The following PDE4B variants were observed in gnomAD, a reference collection of about 807,000 sequenced individuals.
PDE4B encodes the protein phosphodiesterase 4B, also known as 3',5'-cyclic-AMP phosphodiesterase 4B.
In PDE4B, 20 loss-of-function variants were observed where a neutral mutation model predicts 82.2. That is an observed-to-expected ratio of 0.24 (90% CI 0.17 to 0.35). PDE4B has a LOEUF of 0.35. Ranked by LOEUF, PDE4B falls within the 10% of genes least tolerant of loss-of-function variation. PDE4B has a pLI of 1.00. For synonymous variants in PDE4B, 320 were observed against 318.9 expected (o/e 1.00, Z -0.04); for missense variants, 655 against 907.2 (o/e 0.72, Z 3.57).
intron 3 of PDE4B, among the ~76,000 whole-genome samples, chr1:66,081,822 C>CTGTG (rs760161239): frequency 7.8e-6 from 1 of 128,168 alleles, no homozygotes; most frequent in Non-Finnish European, 1.6e-5. Context: ...CTCTCTCTCT[C>CTGTG]TCTCTCTCTC....
chr1:66,227,322 C>G (rs1377666486), intron 3 of PDE4B, among the ~76,000 whole-genome samples: 1 of 152,130 alleles, frequency 6.6e-6, no homozygotes, highest in Non-Finnish European at 1.5e-5. Flanking sequence ...TTGCTTGAAT[C>G]CAGTTTTTGA....
chr1:65,854,600 T>C (rs1021960310), intron 1 of PDE4B, among the ~76,000 whole-genome samples: 5 of 152,058 alleles, frequency 3.3e-5, no homozygotes, highest in Admixed American at 6.6e-5. Flanking sequence ...CTGTAAGTAA[T>C]GTATCTTATT....
At chr1:65,899,993 G>T (rs1007294634) in intron 1 of PDE4B, among the ~76,000 whole-genome samples, 2 of 151,960 alleles carry the variant, frequency 1.3e-5, no homozygotes, top group African/African-American at 4.8e-5. Context: ...ACTTACCCAT[G>T]TAACCAAACA....
chr1:66,236,007 A>G (rs928132480), intron 3 of PDE4B, among the ~76,000 whole-genome samples: 1 of 152,244 alleles, frequency 6.6e-6, no homozygotes, highest in African/African-American at 2.4e-5. Context: ...TATTTGTTAC[A>G]TAAGTATAAG....
At chr1:66,273,132 A>T (rs1316011340) in intron 7 of PDE4B, among the ~76,000 whole-genome samples, 2 of 152,118 alleles carry the variant, frequency 1.3e-5, no homozygotes, top group Non-Finnish European at 2.9e-5. Context: ...GATAAGACCT[A>T]AATGTCTCAC....
At chr1:66,035,441 A>G (rs1260109122) in intron 3 of PDE4B, among the ~76,000 whole-genome samples, 2 of 152,172 alleles carry the variant, frequency 1.3e-5, no homozygotes, top group East Asian at 3.8e-4. Context: ...CTATCTAACT[A>G]TAACTTTGTA....
chr1:66,023,322 C>A (rs2100774454), intron 3 of PDE4B, among the ~76,000 whole-genome samples: 1 of 152,236 alleles, frequency 6.6e-6, no homozygotes, highest in South Asian at 2.1e-4. Context: ...TTTTTGGGTT[C>A]CTCAAAGTTT....
At chr1:66,026,295 C>A (rs542301366) in intron 3 of PDE4B, among the ~76,000 whole-genome samples, 2 of 152,292 alleles carry the variant, frequency 1.3e-5, no homozygotes. Flanking sequence ...GTTAGTCTCA[C>A]TCAGAATAAA....
At chr1:66,201,523 C>G (rs1648949354) in intron 3 of PDE4B, among the ~76,000 whole-genome samples, 1 of 151,736 alleles carries the variant, frequency 6.6e-6, no homozygotes, top group Non-Finnish European at 1.5e-5. Flanking sequence ...CAATTTCAGA[C>G]CCTGTTATTG....
chr1:66,232,863 G>C (rs754183778), intron 3 of PDE4B, among the ~76,000 whole-genome samples: 1 of 152,152 alleles, frequency 6.6e-6, no homozygotes, highest in East Asian at 1.9e-4. Context: ...AAGTGTTAAG[G>C]AAATGGAGAC....
At chr1:66,348,455 G>T (rs1364670678) in intron 8 of PDE4B, among the ~76,000 whole-genome samples, 1 of 152,054 alleles carries the variant, frequency 6.6e-6, no homozygotes, top group Admixed American at 6.5e-5. Context: ...TCAAGTATAT[G>T]AAATGAAATT....
intron 1 of PDE4B, among the ~76,000 whole-genome samples, chr1:65,841,382 A>AAGGAAGGAAGGG (rs1282903046): frequency 1.4e-4 from 2 of 14,492 alleles, no homozygotes; most frequent in Non-Finnish European, 3.4e-4. Flanking sequence ...AAGGAAAGGA[A>AAGGAAGGAAGGG]AGGAAGGAAG....
At chr1:66,320,983 A>G (rs139745864) in intron 7 of PDE4B, among the ~76,000 whole-genome samples, 249 of 152,300 alleles carry the variant, frequency 1.6e-3, no homozygotes, top group Non-Finnish European at 2.5e-3. Context: ...TATACAATCT[A>G]TCTCAGCAAG....
At chr1:66,167,178 C>T (rs1427030679) in intron 3 of PDE4B, among the ~76,000 whole-genome samples, 4 of 151,542 alleles carry the variant, frequency 2.6e-5, no homozygotes, top group Admixed American at 1.3e-4. Context: ...TACAACATGA[C>T]CCAGCAAGTT....
At chr1:66,351,759 A>G (rs1350660034) in intron 8 of PDE4B, among the ~76,000 whole-genome samples, 3 of 152,344 alleles carry the variant, frequency 2.0e-5, no homozygotes, top group African/African-American at 4.8e-5. Context: ...AGATTTGTCT[A>G]CTACATTGTG....
chr1:66,361,444 A>G (rs535790533), intron 9 of PDE4B, among the ~76,000 whole-genome samples, 171 bp from the exon 10 acceptor site: 1 of 152,158 alleles, frequency 6.6e-6, no homozygotes, highest in Non-Finnish European at 1.5e-5. Context: ...CAAATTTTAT[A>G]TTTTCCCCAC....
chr1:66,117,083 C>A (rs77367409), intron 3 of PDE4B, among the ~76,000 whole-genome samples: 1,790 of 152,102 alleles, frequency 0.012, 40 homozygotes, highest in African/African-American at 0.042. Context: ...TTTTAAATAT[C>A]TAATGAGGAG....
At chr1:66,290,491 G>A (rs1656993378) in intron 7 of PDE4B, among the ~76,000 whole-genome samples, 1 of 152,190 alleles carries the variant, frequency 6.6e-6, no homozygotes, top group African/African-American at 2.4e-5. Context: ...GGACATTTGA[G>A]GAGAGAAGCT....
intron 3 of PDE4B, among the ~76,000 whole-genome samples, chr1:65,990,673 G>A (rs114742684): frequency 0.013 from 1,996 of 152,158 alleles, 31 homozygotes; most frequent in African/African-American, 0.035. Flanking sequence ...TTACAATTTT[G>A]TAATTGAATT....
Sources: allele counts gnomAD v4.1 joint callset (sites outside exome capture counted in the v4.1 genomes callset), GRCh38; gene constraint gnomAD v4.1.1; transcripts MANE v1.5; gene names NCBI Gene and HGNC (gene_info 2026-07-23, HGNC 2026-07-21).